The following HEATR5B variants were observed in gnomAD, a reference collection of about 807,000 sequenced individuals.
HEATR5B encodes HEAT repeat containing 5B.
Under a neutral mutation model 224.1 loss-of-function variants are expected in HEATR5B, and 156 were observed. The ratio of observed to expected loss-of-function variants is 0.70; its 90% CI spans 0.61 to 0.80. The LOEUF (loss-of-function observed/expected upper bound fraction) is 0.80. Among genes scored for constraint, HEATR5B ranks in the 30% least tolerant of loss-of-function variants. The pLI is 0.00. For missense variants in HEATR5B, 2,323 were observed against 2,535.5 expected (o/e 0.92, Z 1.80); for synonymous variants, 1,027 against 893.0 (o/e 1.15, Z -2.68).
In HEATR5B at chr2:37,028,661, A is replaced by T. The variant is rs771753222; in HGVS notation, c.3601+20T>A. On this transcript the variant is annotated intron_variant, in intron 23 of 35. Transcript: ENST00000233099. Reference sequence around the variant, plus strand: ...GTAAAACAATTTCCATTATTTTAAGAACGCACATTAAATACTTACCACTAG... The same window carrying T: ...GTAAAACAATTTCCATTATTTTAAGTACGCACATTAAATACTTACCACTAG... 1 of 1,606,680 alleles carries T rather than the reference A, an allele frequency of 6.2e-7. No individual in the cohort carries two copies. Among genetic ancestry groups the T allele is most frequent in the South Asian group, 1.1e-5 (1 of 90,258 alleles).
chr2:36,991,303 G>A (rs186072435), intron 33 of HEATR5B, among the ~76,000 whole-genome samples: 45 of 151,656 alleles, frequency 3.0e-4, no homozygotes, highest in Non-Finnish European at 4.0e-4. Flanking sequence ...GAGGCAGGCG[G>A]ACCACCTGAG....
chr2:37,081,580 T>G (rs1472144402), intron 2 of HEATR5B, among the ~76,000 whole-genome samples: 1 of 151,896 alleles, frequency 6.6e-6, no homozygotes. Flanking sequence ...CTTTTGGAGG[T>G]GGGAGTGAAG....
chr2:37,004,295 C>T (rs945273842), intron 30 of HEATR5B, among the ~76,000 whole-genome samples: 2 of 151,352 alleles, frequency 1.3e-5, no homozygotes, highest in African/African-American at 4.9e-5. Flanking sequence ...TTAATCTTTC[C>T]TTATGTGCTC....
intron 22 of HEATR5B, among the ~76,000 whole-genome samples, chr2:37,029,248 A>G (rs968921872): frequency 1.3e-5 from 2 of 152,242 alleles, no homozygotes; most frequent in Admixed American, 6.5e-5. Context: ...CTAAAAAACT[A>G]TTGTATTTGT....
chr2:36,993,417 G>C (rs991803500), intron 33 of HEATR5B, among the ~76,000 whole-genome samples: 1 of 151,910 alleles, frequency 6.6e-6, no homozygotes, highest in African/African-American at 2.4e-5. Flanking sequence ...GACACCTGTA[G>C]TCCCAGCTAC....
intron 1 of HEATR5B, 34 bp from the exon 2 acceptor site, chr2:37,083,470 T>C: frequency 6.8e-7 from 1 of 1,459,944 alleles, no homozygotes; most frequent in South Asian, 1.2e-5. Flanking sequence ...TACTTGTAAG[T>C]ATTTTTTAAT....
chr2:36,983,235 A>C (rs1432146981), intron 35 of HEATR5B, among the ~76,000 whole-genome samples: 1 of 152,112 alleles, frequency 6.6e-6, no homozygotes, highest in African/African-American at 2.4e-5. Context: ...TACAATGTTA[A>C]TAGTATTATA....
intron 16 of HEATR5B, among the ~76,000 whole-genome samples, chr2:37,053,902 C>T (rs1025775958): frequency 9.2e-5 from 14 of 151,440 alleles, no homozygotes; most frequent in Admixed American, 6.6e-5. Flanking sequence ...ATCTAGTAGA[C>T]GCTCAAGGTT....
Position 37,002,389 on chromosome 2 carries a change from G to C in HEATR5B, c.5234C>G (p.Thr1745Ser), listed in dbSNP as rs750119791. The C allele has an allele frequency of 3.7e-6, 6 of 1,614,190 alleles. No homozygotes were observed. The highest frequency in any genetic ancestry group is 1.6e-4 in the Middle Eastern group (1 of 6,062). ...SDSPSHIATKTRLSEESARLV... is the reference protein window; with the variant it reads ...SDSPSHIATKSRLSEESARLV... Reference sequence around the variant, plus strand: ...ACGAGCACTTTCTTCTGATAGTCGAGTTTTAGTGGCTATGTGACTTGGAGA... The same window carrying C: ...ACGAGCACTTTCTTCTGATAGTCGACTTTTAGTGGCTATGTGACTTGGAGA... Residue 1745 changes from threonine (T) to serine (S), a missense_variant, in exon 32 of 36, where the codon ACT (threonine) becomes AGT (serine). Around this residue, in one of 12 missense-constraint regions of HEATR5B, gnomAD observed 844 missense variants for 812.9 expected, o/e 1.04. Coordinates refer to ENST00000233099, the MANE Select transcript of HEATR5B (RefSeq NM_019024.3).
At chr2:37,012,032 A>C (rs1169021870) in intron 27 of HEATR5B, among the ~76,000 whole-genome samples, 1 of 152,174 alleles carries the variant, frequency 6.6e-6, no homozygotes, top group Non-Finnish European at 1.5e-5. Flanking sequence ...TTTTAAAATA[A>C]ATTTTTAGGC....
chr2:37,031,259 GA>G (rs1669111309), intron 22 of HEATR5B, among the ~76,000 whole-genome samples: 1 of 151,988 alleles, frequency 6.6e-6, no homozygotes, highest in Admixed American at 6.6e-5. Flanking sequence ...GTCCACCCAG[GA>G]AATCATCAAA....
At chr2:37,035,601 C>A (rs966486657) in intron 21 of HEATR5B, among the ~76,000 whole-genome samples, 3 of 152,204 alleles carry the variant, frequency 2.0e-5, no homozygotes, top group African/African-American at 7.2e-5. Flanking sequence ...CTCTTCTACT[C>A]CACTTAGCTT....
At position 37,034,499 on chromosome 2, in the gene HEATR5B, G is replaced by C. The variant is rs188587328; in HGVS notation, c.3217-1726C>G. On this transcript the variant is annotated intron_variant, in intron 21 of 35. Coordinates refer to ENST00000233099, the MANE Select transcript of HEATR5B (RefSeq NM_019024.3). ...GTAGTGGCGGGCGCCTGTAGTCCCAGCTACTTGGGAGGCTGAGGCAGGAGA... is the reference window on the plus strand; with the variant it reads ...GTAGTGGCGGGCGCCTGTAGTCCCACCTACTTGGGAGGCTGAGGCAGGAGA... 8.6e-3 allele frequency among the ~76,000 whole-genome samples: 1,231 copies of C among 142,786 alleles called. 21 individuals carry two copies. Among genetic ancestry groups the C allele is most frequent in the African/African-American group, 0.03 (1,178 of 39,406 alleles). 93.7% of individuals were successfully genotyped at this position (142,786 alleles called of 152,430 possible). A position where few individuals can be genotyped will look rare whatever the true frequency, so the allele number is the denominator to read the frequency against.
chr2:36,981,493 A>G lies in HEATR5B; in HGVS notation c.6213T>C (p.Phe2071=). ...TACAAATAAATGAAATTACAAATTA[A>G]AAAAAACTTGTTTTTAGCTTAATTG... ...APTIKLKTSF[F] Residue 2071 remains phenylalanine (F), a synonymous_variant, in exon 36 of 36, where the codon TTT becomes TTC. Transcript: ENST00000233099. 5 of 1,595,334 alleles carry G rather than the reference A, an allele frequency of 3.1e-6. No homozygotes were observed. Among genetic ancestry groups the G allele is most frequent in the South Asian group, 1.1e-5 (1 of 88,422 alleles).
intron 26 of HEATR5B, among the ~76,000 whole-genome samples, chr2:37,018,388 A>G (rs749208412): frequency 1.3e-5 from 2 of 152,216 alleles, no homozygotes; most frequent in African/African-American, 2.4e-5. Flanking sequence ...TAATTTTTTG[A>G]TATTTGTGTG....
intron 35 of HEATR5B, among the ~76,000 whole-genome samples, chr2:36,983,295 C>A (rs1176132816): frequency 1.3e-5 from 2 of 150,912 alleles, no homozygotes; most frequent in Non-Finnish European, 3.0e-5. Context: ...TTTGGGAGGC[C>A]AAGGTGGGCG....
rs775120824 is a variant in HEATR5B at position 36,995,087 on chromosome 2, G to GTTTTTTT, written c.5546-4295_5546-4289dup. Among the ~76,000 whole-genome samples the GTTTTTTT allele has an allele frequency of 1.7e-4, 18 of 104,132 alleles. 3 individuals carry two copies. Among genetic ancestry groups the GTTTTTTT allele is most frequent in the Admixed American group, 4.0e-4 (4 of 9,890 alleles). 68.3% of individuals were successfully genotyped at this position (104,132 alleles called of 152,430 possible). A position where few individuals can be genotyped will look rare whatever the true frequency, so the allele number is the denominator to read the frequency against. ...CGATTTCTTCGTCTTGTTATTCCTT[G>GTTTTTTT]TTTTTTTTTTTTTTTTTCCTGAGAT... On this transcript the variant is annotated intron_variant, in intron 33 of 35. Coordinates refer to ENST00000233099, the MANE Select transcript of HEATR5B (RefSeq NM_019024.3).
intron 12 of HEATR5B, among the ~76,000 whole-genome samples, chr2:37,060,266 TTTC>T (rs1671198765): frequency 1.3e-5 from 2 of 152,274 alleles, no homozygotes; most frequent in Middle Eastern, 3.4e-3. Flanking sequence ...TTGGGTATTT[TTTC>T]TTTTTTTTAT....
intron 26 of HEATR5B, among the ~76,000 whole-genome samples, chr2:37,018,651 T>C (rs945712883): frequency 1.3e-5 from 2 of 152,144 alleles, no homozygotes; most frequent in African/African-American, 4.8e-5. Context: ...CTTCTCTGCA[T>C]AGAGGTCACA....
Sources: allele counts gnomAD v4.1 joint callset (sites outside exome capture counted in the v4.1 genomes callset), GRCh38; gene constraint gnomAD v4.1.1; regional missense constraint gnomAD v4.1.1; transcripts MANE v1.5; gene names NCBI Gene and HGNC (gene_info 2026-07-23, HGNC 2026-07-21).